ROR1: variants seen among roughly 807,000 people sequenced by gnomAD.
ROR1 encodes ROR family WNT receptor 1, also known as inactive tyrosine-protein kinase transmembrane receptor ROR1.
Under a neutral mutation model 78.8 loss-of-function variants are expected in ROR1, and 19 were observed. The observed-to-expected ratio is 0.24, with a 90% CI of 0.17 to 0.35. The LOEUF is 0.35. ROR1 is among the 10% of genes least tolerant of loss of function. The pLI, the probability that ROR1 is intolerant of heterozygous loss-of-function variation, is 1.00. For synonymous variants in ROR1, 386 were observed against 433.6 expected (o/e 0.89, Z 1.36); for missense variants, 917 against 1,177.8 (o/e 0.78, Z 3.24).
At chr1:64,139,590 C>A (rs1649235041) in intron 5 of ROR1, among the ~76,000 whole-genome samples, 1 of 152,176 alleles carries the variant, frequency 6.6e-6, no homozygotes, top group South Asian at 2.1e-4. Context: ...AAGTGAGTTG[C>A]CTCATTTTCA....
intron 2 of ROR1, among the ~76,000 whole-genome samples, chr1:64,014,746 A>ATG (rs1557609639): frequency 0.041 from 489 of 12,018 alleles, 118 homozygotes; most frequent in East Asian, 0.23. Flanking sequence ...CACACTATAT[A>ATG]TATATATATA....
In ROR1 at chr1:64,140,196, C is replaced by A. The variant is rs755218833; in HGVS notation, c.698C>A (p.Pro233Gln). 13 of 1,613,908 alleles carry A rather than the reference C, an allele frequency of 8.1e-6. No individual in the cohort carries two copies. Among genetic ancestry groups the A allele is most frequent in the South Asian group, 1.1e-5 (1 of 91,048 alleles). ...CCTTCCCTGTGCCACTATGCCTTCC[C>A]GTACTGCGATGAAACTTCATCCGTC... is the stretch of plus-strand genomic sequence containing the variant. ...AIPSLCHYAF[P>Q]YCDETSSVPK... The change falls in exon 6 of 9, where the codon CCG (proline) becomes CAG (glutamine). Residue 233 changes from proline to glutamine, a missense_variant. Pro to Gln is a moderately conservative substitution (Grantham distance 76). Around this residue, in one of 3 missense-constraint regions of ROR1, gnomAD observed 835 missense variants for 1,069.8 expected, o/e 0.78. Coordinates refer to ENST00000371079, the MANE Select transcript of ROR1 (RefSeq NM_005012.4).
chr1:64,140,139 A>G lies in ROR1; in HGVS notation c.641A>G (p.His214Arg). The part of the protein sequence containing the change: ...AAFTMIGTSS[H>R]LSDKCSQFAI... ...TTCACTATGATTGGCACTTCCAGTCACTTATCTGATAAGTGTTCTCAGTTC... is the reference window on the plus strand; with the variant it reads ...TTCACTATGATTGGCACTTCCAGTCGCTTATCTGATAAGTGTTCTCAGTTC... Residue 214 changes from histidine to arginine, a missense_variant, in exon 6 of 9, where the codon CAC becomes CGC. By Grantham distance (29) the His-to-Arg change is conservative. Coordinates refer to ENST00000371079, the MANE Select transcript of ROR1 (RefSeq NM_005012.4). 1 of 1,613,714 alleles carries G rather than the reference A, an allele frequency of 6.2e-7. No individual in the cohort carries two copies. Among genetic ancestry groups the G allele is most frequent in the Non-Finnish European group, 8.5e-7 (1 of 1,179,688 alleles).
At position 64,046,269 on chromosome 1, in the gene ROR1, C is replaced by G. The variant is rs535229618; in HGVS notation, c.164-3422C>G. ...GTGTGAATTCCCTCTGGACTGGACACCTTTGCTGGGATGCCCAGGTGTTCT... is the reference window on the plus strand; with the variant it reads ...GTGTGAATTCCCTCTGGACTGGACAGCTTTGCTGGGATGCCCAGGTGTTCT... On this transcript the variant is annotated intron_variant, in intron 2 of 8. Coordinates refer to ENST00000371079, the MANE Select transcript of ROR1 (RefSeq NM_005012.4). Among the ~76,000 whole-genome samples, 32 of 152,272 alleles carry G rather than the reference C, an allele frequency of 2.1e-4. No individual in the cohort carries two copies. In the South Asian group the frequency reaches 6.0e-3, roughly 29 times the overall value.
At chr1:63,833,747 T>C (rs1402062829) in intron 1 of ROR1, among the ~76,000 whole-genome samples, 1 of 152,142 alleles carries the variant, frequency 6.6e-6, no homozygotes, top group Non-Finnish European at 1.5e-5. Context: ...AACCCAAACT[T>C]TTCCAGCAGT....
intron 1 of ROR1, among the ~76,000 whole-genome samples, chr1:63,841,404 T>C (rs1210829317): frequency 6.6e-6 from 1 of 152,232 alleles, no homozygotes; most frequent in African/African-American, 2.4e-5. Context: ...TTTTTTGTTA[T>C]GTTGAATGAA....
At chr1:63,880,015 G>A (rs1645312802) in intron 1 of ROR1, among the ~76,000 whole-genome samples, 1 of 152,218 alleles carries the variant, frequency 6.6e-6, no homozygotes, top group Admixed American at 6.5e-5. Context: ...GGTTTTGGTG[G>A]TTAGGAGGAC....
chr1:63,877,585 A>G (rs1569852797), intron 1 of ROR1, among the ~76,000 whole-genome samples: 1 of 152,104 alleles, frequency 6.6e-6, no homozygotes, highest in East Asian at 1.9e-4. Flanking sequence ...AGGTAGCACA[A>G]GGTTACAGGG....
intron 1 of ROR1, among the ~76,000 whole-genome samples, chr1:63,949,740 C>T (rs1645919120): frequency 6.6e-6 from 1 of 152,070 alleles, no homozygotes; most frequent in African/African-American, 2.4e-5. Flanking sequence ...ATGCCATTTT[C>T]AGACATGCTT....
intron 1 of ROR1, among the ~76,000 whole-genome samples, chr1:63,787,456 TC>T (rs1644695893): frequency 7.5e-6 from 1 of 133,208 alleles, no homozygotes; most frequent in African/African-American, 3.3e-5. Context: ...CTTCCTTCCT[TC>T]CTTCCTTCCT....
In ROR1 at chr1:64,180,875, G is replaced by C. The variant is rs972753762; in HGVS notation, c.*2020G>C. On this transcript the variant is annotated 3_prime_UTR_variant, in exon 9 of 9. Transcript: ENST00000371079. ...GGTAAAACATTATTATGGTTAAAAA[G>C]TAAATTCAAGTTAGTTTTTTATAAA... The C allele has an allele frequency of 6.6e-6, 1 of 152,026 alleles. No individual in the cohort carries two copies. Among genetic ancestry groups the C allele is most frequent in the Non-Finnish European group, 1.5e-5 (1 of 67,932 alleles). The allele number at this position is 152,026 out of a possible 1,614,324, so 9.4% of individuals were successfully genotyped here. A position where few individuals can be genotyped will look rare whatever the true frequency, so the allele number is the denominator to read the frequency against.
chr1:63,823,839 C>T (rs1241925909), intron 1 of ROR1, among the ~76,000 whole-genome samples: 1 of 152,018 alleles, frequency 6.6e-6, no homozygotes, highest in Admixed American at 6.6e-5. Flanking sequence ...CCTCTGCCTC[C>T]CGGGTTCAAG....
chr1:63,951,373 T>C (rs140381235), intron 1 of ROR1, among the ~76,000 whole-genome samples: 70 of 152,284 alleles, frequency 4.6e-4, no homozygotes, highest in African/African-American at 1.6e-3. Flanking sequence ...GTTCTTGTGG[T>C]AAAGACAGAT....
chr1:63,880,183 A>T (rs778677989), intron 1 of ROR1, among the ~76,000 whole-genome samples: 2 of 152,198 alleles, frequency 1.3e-5, no homozygotes, highest in Non-Finnish European at 2.9e-5. Context: ...TGATGCATGT[A>T]TAATGCTGAG....
intron 1 of ROR1, among the ~76,000 whole-genome samples, chr1:63,866,405 C>G (rs1465309685): frequency 1.3e-5 from 2 of 152,150 alleles, no homozygotes; most frequent in African/African-American, 4.8e-5. Flanking sequence ...ATTGCAAAAC[C>G]CACCAAGGTG....
chr1:64,166,675 T>C (rs1650096882), intron 8 of ROR1, among the ~76,000 whole-genome samples: 1 of 152,076 alleles, frequency 6.6e-6, no homozygotes, highest in South Asian at 2.1e-4. Flanking sequence ...TTAACTGGGG[T>C]GAGGACACAG....
At chr1:63,814,432 G>C (rs1256569553) in intron 1 of ROR1, among the ~76,000 whole-genome samples, 1 of 152,024 alleles carries the variant, frequency 6.6e-6, no homozygotes, top group African/African-American at 2.4e-5. Flanking sequence ...CACCGATGGG[G>C]TGGGGGTGGT....
At chr1:63,925,032 C>CT (rs1185387807) in intron 1 of ROR1, among the ~76,000 whole-genome samples, 5 of 133,242 alleles carry the variant, frequency 3.8e-5, no homozygotes, top group African/African-American at 1.4e-4. Flanking sequence ...TATTATTATA[C>CT]TTTAAGTTTT....
chr1:63,783,358 A>G (rs377167314), intron 1 of ROR1, among the ~76,000 whole-genome samples: 67 of 152,176 alleles, frequency 4.4e-4, no homozygotes, highest in African/African-American at 1.4e-3. Flanking sequence ...TAATGCAGCC[A>G]TTTTCTCTTA....
Sources: gnomAD v4.1 joint callset for allele counts (sites outside exome capture counted in the v4.1 genomes callset) on GRCh38, gnomAD v4.1.1 for gene constraint, gnomAD v4.1.1 regional missense constraint, MANE v1.5 for transcripts, NCBI Gene and HGNC (gene_info 2026-07-23, HGNC 2026-07-21) for gene names.